The following CYYR1 variants were observed in gnomAD, a reference collection of about 807,000 sequenced individuals.
CYYR1 encodes the protein cysteine and tyrosine-rich protein 1.
In CYYR1, 14 loss-of-function variants were observed where a neutral mutation model predicts 15.2. The ratio of observed to expected loss-of-function variants is 0.92; its 90% CI spans 0.61 to 1.44. CYYR1 has a LOEUF of 1.44. CYYR1 is among the 40% of genes most tolerant of loss of function. The probability of loss-of-function intolerance (pLI) is 0.00; values close to 1 mark genes in which losing one functional copy is unlikely to be tolerated. For missense variants in CYYR1, 228 were observed against 209.5 expected, an observed-to-expected ratio of 1.09 and a Z score of -0.54; for synonymous variants, 80 against 77.4, an observed-to-expected ratio of 1.03 and a Z score of -0.18.
intron 2 of CYYR1, among the ~76,000 whole-genome samples, chr21:26,557,978 C>CA (rs1979917716): frequency 6.6e-6 from 1 of 152,190 alleles, no homozygotes; most frequent in Non-Finnish European, 1.5e-5. Context: ...CATTTAGCCC[C>CA]AATCCTTAGG....
intron 2 of CYYR1, chr21:26,550,529 A>G (rs1201252338): frequency 6.6e-6 from 1 of 152,198 alleles, no homozygotes; most frequent in Non-Finnish European, 1.5e-5. Flanking sequence ...TTGTGCAAGC[A>G]AAGGAAAAGT....
chr21:26,530,072 T>C, intron 2 of CYYR1, among the ~76,000 whole-genome samples: 1 of 152,182 alleles, frequency 6.6e-6, no homozygotes, highest in East Asian at 1.9e-4. Context: ...CATTCTTCTA[T>C]CAGAGACTAG....
At chr21:26,508,960 C>T (rs1322621395) in intron 2 of CYYR1, among the ~76,000 whole-genome samples, 1 of 152,174 alleles carries the variant, frequency 6.6e-6, no homozygotes, top group East Asian at 1.9e-4. Context: ...ATCGAATACA[C>T]ATTATATTGC....
chr21:26,495,979 G>A (rs2065396942), intron 2 of CYYR1, among the ~76,000 whole-genome samples: 1 of 152,164 alleles, frequency 6.6e-6, no homozygotes, highest in Non-Finnish European at 1.5e-5. Context: ...GTGCAGAGCA[G>A]GGCACCGGAT....
At chr21:26,482,395 TAGCTTATC>T (rs1421848636) in intron 2 of CYYR1, 2 of 985,190 alleles carry the variant, frequency 2.0e-6, no homozygotes, top group African/African-American at 3.5e-5. Context: ...CATAGTAAAA[TAGCTTATC>T]AGTTCTGTTC....
rs1980399292 is a variant in CYYR1, at chr21:26,563,665, A to C, written c.176+2601T>G. On this transcript the variant is annotated intron_variant, in intron 2 of 3. Transcript: ENST00000652641. ...AAATTAGCTCCTGTGACTGCTTTAT[A>C]AACAAATCTTAATGGTTAGTTTGCA... Among the ~76,000 whole-genome samples, 4 of 152,336 alleles carry C rather than the reference A, an allele frequency of 2.6e-5. 1 individual carries two copies. In the South Asian group the frequency reaches 8.3e-4, roughly 32 times the overall value.
chr21:26,526,545 T>C lies in CYYR1; in HGVS notation c.176+39721A>G, dbSNP rs145406411. Reference sequence around the variant, plus strand: ...TACTTGTAAAATAGAAGCTATTCCATGTTAAGATTATGACAACCATTTGAA... The same window carrying C: ...TACTTGTAAAATAGAAGCTATTCCACGTTAAGATTATGACAACCATTTGAA... On this transcript the variant is annotated intron_variant, in intron 2 of 3. Transcript: ENST00000652641. 2.2e-3 allele frequency among the ~76,000 whole-genome samples: 331 copies of C among 152,328 alleles called. 1 individual carries two copies. Among genetic ancestry groups the C allele is most frequent in the African/African-American group, 7.5e-3 (313 of 41,578 alleles).
At chr21:26,558,100 G>A (rs1979925790) in intron 2 of CYYR1, among the ~76,000 whole-genome samples, 1 of 152,134 alleles carries the variant, frequency 6.6e-6, no homozygotes, top group Non-Finnish European at 1.5e-5. Context: ...GGGCAGATAG[G>A]TAGTGGCAGT....
At chr21:26,559,845 A>G (rs1214147084) in intron 2 of CYYR1, among the ~76,000 whole-genome samples, 1 of 152,152 alleles carries the variant, frequency 6.6e-6, no homozygotes, top group Non-Finnish European at 1.5e-5. Context: ...TCTTTTTTAT[A>G]ACTTTATAAT....
intron 2 of CYYR1, among the ~76,000 whole-genome samples, chr21:26,525,109 T>C (rs2065847722): frequency 6.6e-6 from 1 of 152,182 alleles, no homozygotes; most frequent in African/African-American, 2.4e-5. Context: ...TTCTATGCAA[T>C]TAAAAAGATT....
intron 2 of CYYR1, among the ~76,000 whole-genome samples, chr21:26,559,259 T>C (rs759223330): frequency 2.0e-5 from 3 of 152,320 alleles, no homozygotes; most frequent in African/African-American, 7.2e-5. Flanking sequence ...AGTTTTCTGC[T>C]CTATGCCTTT....
At chr21:26,480,250 G>C in intron 3 of CYYR1, 22 bp downstream of exon 3, 2 of 1,591,060 alleles carry the variant, frequency 1.3e-6, no homozygotes, top group South Asian at 1.1e-5. Flanking sequence ...CTGAGCCTTC[G>C]AGAGTCAACA....
At chr21:26,504,352 C>T (rs887657045) in intron 2 of CYYR1, among the ~76,000 whole-genome samples, 1 of 151,948 alleles carries the variant, frequency 6.6e-6, no homozygotes, top group East Asian at 1.9e-4. Context: ...CTCACTGCAA[C>T]CTCTGCCTCC....
At chr21:26,477,411 G>C (rs1481407264) in intron 3 of CYYR1, among the ~76,000 whole-genome samples, 1 of 152,080 alleles carries the variant, frequency 6.6e-6, no homozygotes, top group Non-Finnish European at 1.5e-5. Context: ...GGTTCATTAT[G>C]TTTCTTCCAT....
chr21:26,522,119 A>T (rs2065810724), intron 2 of CYYR1, among the ~76,000 whole-genome samples: 1 of 152,230 alleles, frequency 6.6e-6, no homozygotes, highest in Non-Finnish European at 1.5e-5. Context: ...GCACATTTCA[A>T]CCAACCACAG....
At chr21:26,478,443 A>G (rs1399141918) in intron 3 of CYYR1, among the ~76,000 whole-genome samples, 1 of 152,170 alleles carries the variant, frequency 6.6e-6, no homozygotes, top group Non-Finnish European at 1.5e-5. Context: ...GACTGGAGAC[A>G]GAGTGGCCAG....
At chr21:26,539,198 G>A (rs138871033) in intron 2 of CYYR1, among the ~76,000 whole-genome samples, 105 of 152,248 alleles carry the variant, frequency 6.9e-4, no homozygotes, top group African/African-American at 2.4e-3. Context: ...CAGACTCGCT[G>A]GTTAAAAATT....
chr21:26,562,759 CAG>C lies in CYYR1; in HGVS notation c.176+3505_176+3506del, dbSNP rs768838613. Among the ~76,000 whole-genome samples, 684 of 119,974 alleles carry C rather than the reference CAG, an allele frequency of 5.7e-3. 3 individuals are homozygous for C. Among genetic ancestry groups the C allele is most frequent in the Non-Finnish European group, 7.4e-3 (432 of 58,496 alleles). The allele number at this position is 119,974 out of a possible 152,430, so 78.7% of individuals were successfully genotyped here. A position where few individuals can be genotyped will look rare whatever the true frequency, so the allele number is the denominator to read the frequency against. On this transcript the variant is annotated intron_variant, in intron 2 of 3. Coordinates refer to ENST00000652641, the MANE Select transcript of CYYR1 (RefSeq NM_001320768.2). ...ACACACACACACACACACACACACA[CAG>C]AGACATACACAAACACACACACACA... is the stretch of plus-strand genomic sequence containing the variant.
At chr21:26,550,269 T>G (rs1044165066) in intron 2 of CYYR1, 4 of 152,154 alleles carry the variant, frequency 2.6e-5, no homozygotes, top group Non-Finnish European at 5.9e-5. Context: ...TTGTGTGTGT[T>G]CTCACTGCTC....
Sources: allele counts gnomAD v4.1 joint callset (sites outside exome capture counted in the v4.1 genomes callset), GRCh38; gene constraint gnomAD v4.1.1; transcripts MANE v1.5; gene names NCBI Gene and HGNC (gene_info 2026-07-23, HGNC 2026-07-21).